The following UVRAG variants were observed in gnomAD, a reference collection of about 807,000 sequenced individuals.
UVRAG encodes the protein UV radiation resistance-associated gene protein.
Under a neutral mutation model 78.0 loss-of-function variants are expected in UVRAG, and 19 were observed. The observed-to-expected ratio is 0.24, with a 90% CI of 0.17 to 0.36. The LOEUF (loss-of-function observed/expected upper bound fraction) is 0.36. Ranked by LOEUF, UVRAG falls within the 10% of genes least tolerant of loss-of-function variation. The pLI, the probability that UVRAG is intolerant of heterozygous loss-of-function variation, is 1.00. For missense variants in UVRAG, 740 were observed against 853.8 expected (o/e 0.87, Z 1.66); for synonymous variants, 323 against 324.6 (o/e 1.00, Z 0.05).
rs919357223 is a variant in UVRAG at position 76,143,832 on chromosome 11, G to C, written c.*2419G>C. Reference sequence around the variant, plus strand: ...ACCTTTTAGTTTTGTAAATCACTAAGAAAATTGTTTGCTTGGAAGATATAA... The same window carrying C: ...ACCTTTTAGTTTTGTAAATCACTAACAAAATTGTTTGCTTGGAAGATATAA... On this transcript the variant is annotated 3_prime_UTR_variant, in exon 15 of 15. Coordinates refer to ENST00000356136, the MANE Select transcript of UVRAG (RefSeq NM_003369.4). Among the ~76,000 whole-genome samples the C allele has an allele frequency of 6.6e-6, 1 of 152,206 alleles. No individual in the cohort carries two copies. The highest frequency in any genetic ancestry group is 2.4e-5 in the African/African-American group (1 of 41,440).
chr11:76,111,004 C>T (rs1420973510), intron 13 of UVRAG, among the ~76,000 whole-genome samples: 2 of 151,906 alleles, frequency 1.3e-5, no homozygotes, highest in Non-Finnish European at 2.9e-5. Flanking sequence ...GAGGCGCACA[C>T]CACCACACCT....
At chr11:76,083,066 T>G (rs1338937421) in intron 13 of UVRAG, among the ~76,000 whole-genome samples, 1 of 152,180 alleles carries the variant, frequency 6.6e-6, no homozygotes, top group Non-Finnish European at 1.5e-5. Flanking sequence ...AATATATCCT[T>G]GTAACAAATC....
At chr11:75,864,295 A>G (rs979267452) in intron 3 of UVRAG, among the ~76,000 whole-genome samples, 2 of 152,172 alleles carry the variant, frequency 1.3e-5, no homozygotes, top group African/African-American at 2.4e-5. Context: ...ACCTCAAGCA[A>G]TCCGCCTAAC....
intron 2 of UVRAG, among the ~76,000 whole-genome samples, chr11:75,852,387 C>T (rs937092323): frequency 4.0e-4 from 61 of 151,962 alleles, no homozygotes; most frequent in Admixed American, 4.0e-3. Context: ...CTGTAATTCC[C>T]TGTATATATG....
At chr11:76,058,889 G>A (rs947024683) in intron 12 of UVRAG, among the ~76,000 whole-genome samples, 1 of 152,206 alleles carries the variant, frequency 6.6e-6, no homozygotes, top group Non-Finnish European at 1.5e-5. Context: ...AAGCAAGAAA[G>A]ATGGACACCT....
intron 5 of UVRAG, among the ~76,000 whole-genome samples, chr11:75,900,455 G>GT (rs1409955962): frequency 6.6e-6 from 1 of 151,980 alleles, no homozygotes; most frequent in Admixed American, 6.6e-5. Context: ...TGCTTTCACC[G>GT]TTATAGTAAT....
At chr11:76,089,035 A>G (rs1204204228) in intron 13 of UVRAG, among the ~76,000 whole-genome samples, 1 of 152,190 alleles carries the variant, frequency 6.6e-6, no homozygotes, top group Non-Finnish European at 1.5e-5. Context: ...AGACTGAACC[A>G]GTGACCTTCC....
chr11:75,883,250 C>G (rs1319109421), intron 4 of UVRAG, among the ~76,000 whole-genome samples: 1 of 151,876 alleles, frequency 6.6e-6, no homozygotes, highest in Non-Finnish European at 1.5e-5. Context: ...GTCACACTTT[C>G]CTTCGGTGGT....
chr11:76,119,411 T>C (rs1013629274), intron 14 of UVRAG, among the ~76,000 whole-genome samples: 1 of 152,160 alleles, frequency 6.6e-6, no homozygotes, highest in Non-Finnish European at 1.5e-5. Context: ...AAAGCTGTTA[T>C]GCTTATGACT....
At chr11:76,006,660 CAAAAAAA>C (rs762221601) in intron 9 of UVRAG, among the ~76,000 whole-genome samples, 12 of 62,350 alleles carry the variant, frequency 1.9e-4, no homozygotes, top group Non-Finnish European at 3.1e-4. Flanking sequence ...GACCCCGTCT[CAAAAAAA>C]AAAAAAAAAA....
chr11:75,902,864 G>T (rs1485148778), intron 5 of UVRAG, among the ~76,000 whole-genome samples: 1 of 152,038 alleles, frequency 6.6e-6, no homozygotes, highest in South Asian at 2.1e-4. Context: ...TAGTCTCTTT[G>T]TATCCACTCT....
intron 12 of UVRAG, among the ~76,000 whole-genome samples, chr11:76,063,699 T>C (rs1246662027): frequency 6.6e-6 from 1 of 152,248 alleles, no homozygotes; most frequent in African/African-American, 2.4e-5. Context: ...AGTTATTTAA[T>C]GTAATACTCC....
chr11:75,981,697 T>C (rs1186052392), intron 7 of UVRAG, among the ~76,000 whole-genome samples: 2 of 152,248 alleles, frequency 1.3e-5, no homozygotes, highest in South Asian at 2.1e-4. Flanking sequence ...AGTTAGCTCT[T>C]TTGGTATAGT....
chr11:76,123,658 G>GTATA (rs1952331696), intron 14 of UVRAG, among the ~76,000 whole-genome samples: 2 of 152,246 alleles, frequency 1.3e-5, no homozygotes, highest in Admixed American at 1.3e-4. Flanking sequence ...ATGCAAGGTA[G>GTATA]TATAACACAG....
chr11:76,071,107 G>C (rs946962898), intron 13 of UVRAG, among the ~76,000 whole-genome samples: 2 of 152,142 alleles, frequency 1.3e-5, no homozygotes, highest in African/African-American at 4.8e-5. Context: ...GATGGGAAGA[G>C]ACATACAATA....
At chr11:75,947,728 T>C (rs1948611680) in intron 6 of UVRAG, among the ~76,000 whole-genome samples, 1 of 152,162 alleles carries the variant, frequency 6.6e-6, no homozygotes, top group Admixed American at 6.6e-5. Context: ...CCACGGGCTT[T>C]GGAGTTAAAC....
chr11:76,137,697 G>A, intron 14 of UVRAG: 1 of 347,812 alleles, frequency 2.9e-6, no homozygotes, highest in Non-Finnish European at 5.6e-6. Flanking sequence ...CCAGGAGTTT[G>A]AGACCAGTGT....
rs571049373 is a variant in UVRAG, at chr11:75,887,561, C to G, written c.433-1268C>G. Reference sequence around the variant, plus strand: ...CTCCCGGGTTCATGCCATTCTCCTGCCTCAGCCTCCCGAGTAGCTGGGACT... The same window carrying G: ...CTCCCGGGTTCATGCCATTCTCCTGGCTCAGCCTCCCGAGTAGCTGGGACT... On this transcript the variant is annotated intron_variant, in intron 4 of 14. Coordinates refer to ENST00000356136, the MANE Select transcript of UVRAG (RefSeq NM_003369.4). 1.6e-4 allele frequency among the ~76,000 whole-genome samples: 24 copies of G among 151,818 alleles called. No individual in the cohort carries two copies. The South Asian group carries it at 4.6e-3, about 29-fold the overall frequency.
At chr11:75,900,523 G>A (rs1229226331) in intron 5 of UVRAG, among the ~76,000 whole-genome samples, 1 of 152,154 alleles carries the variant, frequency 6.6e-6, no homozygotes, top group Non-Finnish European at 1.5e-5. Context: ...CTGAGGTTAT[G>A]CCTTACTCAG....
Sources: allele counts gnomAD v4.1 joint callset (sites outside exome capture counted in the v4.1 genomes callset), GRCh38; gene constraint gnomAD v4.1.1; transcripts MANE v1.5; gene names NCBI Gene and HGNC (gene_info 2026-07-23, HGNC 2026-07-21).